The following NCOA6 variants were observed in gnomAD, a reference collection of about 807,000 sequenced individuals.
The protein encoded by NCOA6 is nuclear receptor coactivator 6, also known as NRC RAP250.
Under a neutral mutation model 171.4 loss-of-function variants are expected in NCOA6, and 49 were observed. The observed-to-expected ratio is 0.29, with a 90% CI of 0.23 to 0.36. NCOA6 has a LOEUF of 0.36. Ranked by LOEUF, NCOA6 falls within the 10% of genes least tolerant of loss-of-function variation. The probability of loss-of-function intolerance (pLI) is 1.00; values close to 1 mark genes in which losing one functional copy is unlikely to be tolerated. For missense variants in NCOA6, 2,248 were observed against 2,554.5 expected, an observed-to-expected ratio of 0.88 and a Z score of 2.59; for synonymous variants, 910 against 927.5, an observed-to-expected ratio of 0.98 and a Z score of 0.34.
intron 5 of NCOA6, among the ~76,000 whole-genome samples, chr20:34,761,441 A>T (rs1456228266): frequency 6.6e-6 from 1 of 150,746 alleles, no homozygotes; most frequent in Non-Finnish European, 1.5e-5. Flanking sequence ...ATGCATTTTT[A>T]CGTTTCCAAA....
At chr20:34,810,565 T>C (rs2078620893) in intron 1 of NCOA6, among the ~76,000 whole-genome samples, 1 of 151,148 alleles carries the variant, frequency 6.6e-6, no homozygotes, top group Admixed American at 6.6e-5. Flanking sequence ...TTTTTTTTTG[T>C]TTGTTTTTGA....
chr20:34,793,053 G>C (rs146892507), intron 1 of NCOA6, among the ~76,000 whole-genome samples: 2 of 152,032 alleles, frequency 1.3e-5, no homozygotes, highest in Non-Finnish European at 2.9e-5. Flanking sequence ...AAAGTGCTGA[G>C]ATTACAAGCA....
At chr20:34,823,712 T>C (rs1226093451) in intron 1 of NCOA6, among the ~76,000 whole-genome samples, 5 of 152,084 alleles carry the variant, frequency 3.3e-5, no homozygotes, top group African/African-American at 1.2e-4. Flanking sequence ...TTTTTTTTTT[T>C]CTTTAGACAG....
At chr20:34,746,252 G>GTTT (rs111754287) in intron 10 of NCOA6, among the ~76,000 whole-genome samples, 3 of 136,596 alleles carry the variant, frequency 2.2e-5, no homozygotes, top group African/African-American at 2.7e-5. Context: ...ACATTTCATG[G>GTTT]TTTTTTTTTT....
At position 34,787,486 on chromosome 20, in the gene NCOA6, A is replaced by G. The variant is rs543152113; in HGVS notation, c.-50+4964T>C. On this transcript the variant is annotated intron_variant, in intron 2 of 14. Transcript: ENST00000359003. ...GGCTACAGTGAGCTATGATTGTGCC[A>G]CTACACTCCAGCCTGGGTAAGAGAG... 1.3e-3 allele frequency among the ~76,000 whole-genome samples: 203 copies of G among 152,104 alleles called. 3 individuals carry two copies. The highest frequency in any genetic ancestry group is 4.7e-3 in the African/African-American group (196 of 41,502).
intron 1 of NCOA6, among the ~76,000 whole-genome samples, chr20:34,804,506 C>CA (rs11482821): frequency 0.59 from 67,522 of 113,554 alleles, 18,112 homozygotes; most frequent in South Asian, 0.68. Context: ...GACCCTGTCT[C>CA]AAAAAAAAAA....
Position 34,741,177 on chromosome 20 carries a change from A to AGAGG in NCOA6, c.5075_5078dup (p.Val1694LeufsTer24). On this transcript the variant is annotated frameshift_variant, in exon 11 of 15. Coordinates refer to ENST00000359003, the MANE Select transcript of NCOA6 (RefSeq NM_014071.5). LOFTEE classifies it high-confidence loss of function. Reference sequence around the variant, plus strand: ...TGTGTAAAGGGCCAACAACTGCAACAGAGGGAGGCATCAGGCCAGAGTTGG... The same window carrying AGAGG: ...TGTGTAAAGGGCCAACAACTGCAACAGAGGGAGGGAGGCATCAGGCCAGAGTTGG... The AGAGG allele has an allele frequency of 6.2e-7, 1 of 1,614,260 alleles. No individual in the cohort carries two copies. Among genetic ancestry groups the AGAGG allele is most frequent in the Middle Eastern group, 1.6e-4 (1 of 6,062 alleles).
chr20:34,789,225 G>A (rs2077786305), intron 2 of NCOA6, among the ~76,000 whole-genome samples: 1 of 152,176 alleles, frequency 6.6e-6, no homozygotes, highest in African/African-American at 2.4e-5. Context: ...GTGATCAAAT[G>A]CAATTTCTTC....
intron 4 of NCOA6, among the ~76,000 whole-genome samples, chr20:34,772,560 C>T (rs2077184178): frequency 6.6e-6 from 1 of 151,448 alleles, no homozygotes; most frequent in Non-Finnish European, 1.5e-5. Flanking sequence ...AACTGAAAAC[C>T]TGTGAGACTT....
rs759684069 is a variant in NCOA6, at chr20:34,743,288, G to A, written c.2968C>T (p.Leu990Phe). ...GGTGGGGGTGCCACATGCTGCATGA[G>A]TTGAGGAGGCATCTGCTGAAGTGGC... ...QRPLQQMPPQ[L>F]MQHVAPPPQP... Residue 990 changes from leucine to phenylalanine, a missense_variant, in exon 11 of 15, where the codon CTC (leucine) becomes TTC (phenylalanine). Around this residue, in one of 7 missense-constraint regions of NCOA6, gnomAD observed 352 missense variants for 419.1 expected, o/e 0.84. Transcript: ENST00000359003. 6.2e-7 allele frequency: 1 copy of A among 1,613,666 alleles called. No individual in the cohort carries two copies. The highest frequency in any genetic ancestry group is 8.5e-7 in the Non-Finnish European group (1 of 1,179,738).
At chr20:34,780,192 A>G (rs1335030445) in intron 3 of NCOA6, among the ~76,000 whole-genome samples, 1 of 152,228 alleles carries the variant, frequency 6.6e-6, no homozygotes, top group Non-Finnish European at 1.5e-5. Flanking sequence ...AAATTTGCTT[A>G]TGGTATTAAC....
rs751351647 is a variant in NCOA6, at chr20:34,750,250, T to C, written c.1945A>G (p.Ile649Val). Reference protein sequence around the residue: ...QGTLNPQNPMILSRAQLMPQG... With the variant: ...QGTLNPQNPMVLSRAQLMPQG... ...GGCATAAGCTGGGCCCTTGAAAGGA[T>C]CATAGGGTTCTGAGGGTTCAAGGTT... Residue 649 changes from isoleucine (I) to valine (V), a missense_variant, in exon 9 of 15, where the codon ATC (isoleucine) becomes GTC (valine). Physicochemically the swap from Ile to Val is conservative, Grantham distance 29 (BLOSUM62 3). Coordinates refer to ENST00000359003, the MANE Select transcript of NCOA6 (RefSeq NM_014071.5). The C allele has an allele frequency of 1.9e-6, 3 of 1,611,240 alleles. No homozygotes were observed. Among genetic ancestry groups the C allele is most frequent in the Non-Finnish European group, 2.5e-6 (3 of 1,178,428 alleles).
chr20:34,715,273 T>TGC lies in NCOA6; in HGVS notation c.*48_*49insGC. On this transcript the variant is annotated 3_prime_UTR_variant, in exon 15 of 15. Transcript: ENST00000359003. Reference sequence around the variant, plus strand: ...AAAAGTCACAGCTCAAAATTGCTCTTTGTAAAAGTCACACACATTTCCAAG... The same window carrying TGC: ...AAAAGTCACAGCTCAAAATTGCTCTTGCTGTAAAAGTCACACACATTTCCAAG... 1 of 1,612,870 alleles carries TGC rather than the reference T, an allele frequency of 6.2e-7. No homozygotes were observed. The highest frequency in any genetic ancestry group is 1.7e-5 in the Admixed American group (1 of 59,930).
intron 10 of NCOA6, among the ~76,000 whole-genome samples, chr20:34,743,957 C>T (rs2424996): frequency 0.01 from 1,579 of 152,282 alleles, 19 homozygotes; most frequent in Middle Eastern, 0.034. Context: ...CCATACACTA[C>T]GCCGCATCCT....
intron 5 of NCOA6, among the ~76,000 whole-genome samples, chr20:34,765,433 C>A (rs1401283486): frequency 1.6e-5 from 2 of 128,626 alleles, no homozygotes; most frequent in African/African-American, 5.9e-5. Context: ...GAGCGAGAGT[C>A]CGTCTCAAAA....
intron 1 of NCOA6, among the ~76,000 whole-genome samples, chr20:34,801,354 T>C (rs2078248886): frequency 6.6e-6 from 1 of 151,802 alleles, no homozygotes; most frequent in African/African-American, 2.4e-5. Flanking sequence ...GAAATAAAGA[T>C]GAGAGCAGAA....
chr20:34,782,452 T>TG, intron 2 of NCOA6, 48 bp from the exon 3 acceptor site: 2 of 503,952 alleles, frequency 4.0e-6, no homozygotes, highest in Non-Finnish European at 6.9e-6. Flanking sequence ...AGTTATGCAT[T>TG]CAACAATGTA....
intron 1 of NCOA6, among the ~76,000 whole-genome samples, chr20:34,793,702 A>G (rs994476517): frequency 2.0e-4 from 31 of 152,338 alleles, no homozygotes; most frequent in Admixed American, 1.6e-3. Flanking sequence ...GCAAAGCAAA[A>G]AACATTGTAA....
intron 5 of NCOA6, among the ~76,000 whole-genome samples, chr20:34,764,042 C>T (rs1443478742): frequency 9.5e-6 from 1 of 104,810 alleles, no homozygotes; most frequent in African/African-American, 3.7e-5. Flanking sequence ...CTAGGGAGTT[C>T]CTCTACTTTC....
Sources: allele counts gnomAD v4.1 joint callset (sites outside exome capture counted in the v4.1 genomes callset), GRCh38; gene constraint gnomAD v4.1.1; regional missense constraint gnomAD v4.1.1; transcripts MANE v1.5; gene names NCBI Gene and HGNC (gene_info 2026-07-23, HGNC 2026-07-21).